NOVA1: variants seen among roughly 807,000 people sequenced by gnomAD.
The protein encoded by NOVA1 is RNA-binding protein Nova-1.
NOVA1 carries 7 observed loss-of-function variants against 38.0 expected under a neutral mutation model. The observed-to-expected ratio is 0.18, with a 90% CI of 0.10 to 0.35. NOVA1 has a LOEUF of 0.35. Ranked by LOEUF, NOVA1 falls within the 10% of genes least tolerant of loss-of-function variation. NOVA1 has a pLI of 1.00. For synonymous variants in NOVA1, 270 were observed against 232.5 expected (o/e 1.16, Z -1.47); for missense variants, 460 against 616.0 (o/e 0.75, Z 2.68).
chr14:26,583,863 G>T (rs1050126232), intron 2 of NOVA1, among the ~76,000 whole-genome samples: 1 of 137,514 alleles, frequency 7.3e-6, no homozygotes, highest in Non-Finnish European at 1.6e-5. Flanking sequence ...TAACTTTAGC[G>T]TTTGAACAGC....
intron 2 of NOVA1, among the ~76,000 whole-genome samples, chr14:26,540,425 G>A (rs1255409194): frequency 6.6e-6 from 1 of 152,186 alleles, no homozygotes; most frequent in East Asian, 1.9e-4. Context: ...CCAGTCCCTG[G>A]TGCCAAAAAG....
chr14:26,585,824 G>A (rs747524474), intron 2 of NOVA1, among the ~76,000 whole-genome samples: 1 of 151,012 alleles, frequency 6.6e-6, no homozygotes, highest in Non-Finnish European at 1.5e-5. Context: ...ATACTCCACT[G>A]TACCTAGCCA....
At chr14:26,549,278 A>T (rs1891018457) in intron 2 of NOVA1, 1 of 152,138 alleles carries the variant, frequency 6.6e-6, no homozygotes, top group South Asian at 2.1e-4. Context: ...ATTAAAACCA[A>T]GACATAAAAC....
chr14:26,470,470 T>C lies in NOVA1; in HGVS notation c.519+1850A>G, dbSNP rs755201972. 4.5e-6 allele frequency: 7 copies of C among 1,561,080 alleles called. No individual in the cohort carries two copies. The Admixed American group carries it at 1.2e-4, about 26-fold the overall frequency. On this transcript the variant is annotated intron_variant, in intron 4 of 4. Transcript: ENST00000539517. ...TCTTCTCTTATATCTTGCTTCATGA[T>C]ATCCAGGAGATATTATGCTTCTTTG... is the stretch of plus-strand genomic sequence containing the variant.
chr14:26,479,271 G>T (rs1885238300), intron 3 of NOVA1: 1 of 151,968 alleles, frequency 6.6e-6, no homozygotes, highest in Admixed American at 6.6e-5. Context: ...TACGGTGGAA[G>T]AATCCACCTT....
In NOVA1 at chr14:26,443,355, A is replaced by G. The variant is rs1881831431; in HGVS notation, c.*4604T>C. On this transcript the variant is annotated 3_prime_UTR_variant, in exon 5 of 5. Coordinates refer to ENST00000539517, the MANE Select transcript of NOVA1 (RefSeq NM_002515.3). ...TCCTTAAAAAAATAATCTAATCAAA[A>G]TATTGAATACTTTAGAATTAAACAA... The G allele has an allele frequency of 6.6e-6, 1 of 152,014 alleles. No homozygotes were observed. 9.4% of individuals were successfully genotyped at this position (152,014 alleles called of 1,614,324 possible). A position where few individuals can be genotyped will look rare whatever the true frequency, so the allele number is the denominator to read the frequency against.
intron 3 of NOVA1, among the ~76,000 whole-genome samples, chr14:26,474,001 G>A (rs1420643672): frequency 6.6e-6 from 1 of 151,872 alleles, no homozygotes; most frequent in Admixed American, 6.6e-5. Context: ...ACTTTGCTGA[G>A]ACATATGCTA....
intron 2 of NOVA1, among the ~76,000 whole-genome samples, chr14:26,559,281 TA>T (rs1328308576): frequency 6.6e-6 from 1 of 152,118 alleles, no homozygotes; most frequent in Non-Finnish European, 1.5e-5. Context: ...AGAGTCTCGT[TA>T]AAGTCCGTTT....
At chr14:26,476,347 A>T (rs1884983111) in intron 3 of NOVA1, among the ~76,000 whole-genome samples, 1 of 152,126 alleles carries the variant, frequency 6.6e-6, no homozygotes, top group Admixed American at 6.6e-5. Context: ...AATCTTCCAG[A>T]TAAATTAAAA....
At chr14:26,490,047 T>G (rs199999682) in intron 2 of NOVA1, among the ~76,000 whole-genome samples, 1 of 152,160 alleles carries the variant, frequency 6.6e-6, no homozygotes, top group African/African-American at 2.4e-5. Flanking sequence ...CCCAGTTACC[T>G]CTAATCTACT....
At chr14:26,510,161 C>T (rs1594433110) in intron 2 of NOVA1, among the ~76,000 whole-genome samples, 1 of 152,090 alleles carries the variant, frequency 6.6e-6, no homozygotes, top group East Asian at 1.9e-4. Flanking sequence ...TTTGGCTTTA[C>T]GGTGGATTCA....
At chr14:26,507,160 T>A (rs1038397951) in intron 2 of NOVA1, among the ~76,000 whole-genome samples, 1 of 152,118 alleles carries the variant, frequency 6.6e-6, no homozygotes, top group Non-Finnish European at 1.5e-5. Context: ...AAACAAGCAC[T>A]TAGCACAATT....
intron 2 of NOVA1, among the ~76,000 whole-genome samples, chr14:26,484,263 T>C (rs1885694881): frequency 6.6e-6 from 1 of 150,628 alleles, no homozygotes; most frequent in African/African-American, 2.4e-5. Context: ...TGAAACCCCA[T>C]CTCTACTAAA....
At chr14:26,473,428 C>A (rs980895757) in intron 3 of NOVA1, among the ~76,000 whole-genome samples, 2 of 151,478 alleles carry the variant, frequency 1.3e-5, no homozygotes. Context: ...TGAAGATACA[C>A]TTGTATATGG....
chr14:26,524,237 AT>A (rs1452764445), intron 2 of NOVA1, among the ~76,000 whole-genome samples: 6 of 152,188 alleles, frequency 3.9e-5, no homozygotes, highest in African/African-American at 1.4e-4. Context: ...CTAGAACAGG[AT>A]GGAAGCCAAC....
At position 26,515,712 on chromosome 14, in the gene NOVA1, G is replaced by A. The variant is rs538316734; in HGVS notation, c.281-35569C>T. ...GAAAGGAAAAGCAAGTACTGGTTAC[G>A]TTATTGACTTTTCAACTACAATTAT... On this transcript the variant is annotated intron_variant, in intron 2 of 4. Coordinates refer to ENST00000539517, the MANE Select transcript of NOVA1 (RefSeq NM_002515.3). Among the ~76,000 whole-genome samples the A allele has an allele frequency of 7.2e-5, 11 of 152,080 alleles. No individual in the cohort carries two copies. In the East Asian group the frequency reaches 1.2e-3, roughly 16 times the overall value.
intron 2 of NOVA1, among the ~76,000 whole-genome samples, chr14:26,557,999 A>G (rs1457830807): frequency 6.6e-6 from 1 of 151,494 alleles, no homozygotes. Context: ...GTTAAATGAA[A>G]AAAAAAAAAA....
At chr14:26,480,421 T>C (rs1052691789) in intron 2 of NOVA1, among the ~76,000 whole-genome samples, 2 of 152,120 alleles carry the variant, frequency 1.3e-5, no homozygotes, top group African/African-American at 4.8e-5. Context: ...ACATAACAAA[T>C]ACTTATTGAG....
intron 2 of NOVA1, among the ~76,000 whole-genome samples, chr14:26,567,849 T>G (rs981667578): frequency 2.0e-5 from 3 of 152,222 alleles, no homozygotes; most frequent in Non-Finnish European, 4.4e-5. Context: ...AAATAGTTTT[T>G]CCATTTGGTT....
Sources: gnomAD v4.1 joint callset for allele counts (sites outside exome capture counted in the v4.1 genomes callset) on GRCh38, gnomAD v4.1.1 for gene constraint, MANE v1.5 for transcripts, NCBI Gene and HGNC (gene_info 2026-07-23, HGNC 2026-07-21) for gene names.